The following RFX7 variants were observed in gnomAD, a reference collection of about 807,000 sequenced individuals.
RFX7 encodes regulatory factor X7, also known as DNA-binding protein RFX7.
Under a neutral mutation model 111.8 loss-of-function variants are expected in RFX7, and 26 were observed. That is an observed-to-expected ratio of 0.23 (90% CI 0.17 to 0.32). The LOEUF (loss-of-function observed/expected upper bound fraction) is 0.32. Ranked by LOEUF, RFX7 falls within the 10% of genes least tolerant of loss-of-function variation. The probability of loss-of-function intolerance (pLI) is 1.00; values close to 1 mark genes in which losing one functional copy is unlikely to be tolerated. For missense variants in RFX7, 1,573 were observed against 1,772.9 expected (o/e 0.89, Z 2.02); for synonymous variants, 624 against 624.4 (o/e 1.00, Z 0.01).
At chr15:56,126,189 C>G (rs1368267760) in intron 5 of RFX7, among the ~76,000 whole-genome samples, 1 of 152,174 alleles carries the variant, frequency 6.6e-6, no homozygotes, top group Non-Finnish European at 1.5e-5. Context: ...TATCAGTGAA[C>G]TGCATAGTAA....
At chr15:56,200,629 T>C (rs1443421379) in intron 2 of RFX7, among the ~76,000 whole-genome samples, 1 of 151,912 alleles carries the variant, frequency 6.6e-6, no homozygotes, top group Non-Finnish European at 1.5e-5. Flanking sequence ...TAAAACCCTG[T>C]CTCTACTAAA....
intron 9 of RFX7, among the ~76,000 whole-genome samples, chr15:56,097,192 T>C (rs2041690869): frequency 6.6e-6 from 1 of 152,178 alleles, no homozygotes; most frequent in Non-Finnish European, 1.5e-5. Flanking sequence ...TAAATATTAT[T>C]ATCAATAATA....
intron 2 of RFX7, among the ~76,000 whole-genome samples, chr15:56,203,992 A>AT (rs1377806929): frequency 7.0e-6 from 1 of 143,832 alleles, no homozygotes. Context: ...TTGGGGTCTG[A>AT]TTGGGACCTC....
At chr15:56,166,911 C>A (rs1173970356) in intron 3 of RFX7, among the ~76,000 whole-genome samples, 7 of 152,252 alleles carry the variant, frequency 4.6e-5, no homozygotes, top group Admixed American at 3.3e-4. Context: ...GTTACGGAAC[C>A]TTTTGCATAA....
rs552062477 is a variant in RFX7 at position 56,087,548 on chromosome 15, C to T, written c.*5797G>A. 2.2e-6 allele frequency: 1 copy of T among 456,696 alleles called. No homozygotes were observed. The highest frequency in any genetic ancestry group is 1.5e-5 in the South Asian group (1 of 64,562). 28.3% of individuals were successfully genotyped at this position (456,696 alleles called of 1,614,324 possible). On this transcript the variant is annotated 3_prime_UTR_variant, in exon 10 of 10. Coordinates refer to ENST00000559447, the MANE Select transcript of RFX7 (RefSeq NM_022841.7). Reference sequence around the variant, plus strand: ...GCACCCAAACCTTTTGGTTACATCTCTTTGAGTACTTGGTAAGTGTCTCCA... The same window carrying T: ...GCACCCAAACCTTTTGGTTACATCTTTTTGAGTACTTGGTAAGTGTCTCCA...
intron 2 of RFX7, among the ~76,000 whole-genome samples, chr15:56,210,579 A>AT (rs1438747321): frequency 5.9e-5 from 9 of 152,060 alleles, no homozygotes. Flanking sequence ...ATCTTAACAA[A>AT]TTTTTTTAAA....
chr15:56,104,073 C>G (rs2041796890), intron 5 of RFX7, among the ~76,000 whole-genome samples: 2 of 152,090 alleles, frequency 1.3e-5, no homozygotes, highest in Admixed American at 6.6e-5. Context: ...AGAGATAATA[C>G]TACTAGGTGG....
At chr15:56,184,199 T>TTTGTA (rs1362079984) in intron 2 of RFX7, among the ~76,000 whole-genome samples, 5 of 141,210 alleles carry the variant, frequency 3.5e-5, no homozygotes, top group Non-Finnish European at 7.7e-5. Context: ...TTGTATTTTT[T>TTTGTA]TTTTTTTTTT....
intron 3 of RFX7, among the ~76,000 whole-genome samples, chr15:56,156,914 G>A (rs563588702): frequency 1.3e-5 from 2 of 152,160 alleles, no homozygotes; most frequent in Non-Finnish European, 2.9e-5. Flanking sequence ...AAGAGTGCAT[G>A]ACCCCACTTC....
Position 56,242,574 on chromosome 15 carries a change from G to A in RFX7, c.161+551C>T, listed in dbSNP as rs892618970. On this transcript the variant is annotated intron_variant, in intron 2 of 9. Coordinates refer to ENST00000559447, the MANE Select transcript of RFX7 (RefSeq NM_022841.7). ...AAAAAGCACTTTCTTCACAATCAAT[G>A]CAAAGAATAAACTCCCTGAAAAAGA... Among the ~76,000 whole-genome samples the A allele has an allele frequency of 1.8e-4, 27 of 151,974 alleles. 1 individual carries two copies. Among genetic ancestry groups the A allele is most frequent in the African/African-American group, 6.0e-4 (25 of 41,386 alleles).
intron 2 of RFX7, among the ~76,000 whole-genome samples, chr15:56,206,178 C>G (rs749284286): frequency 1.6e-4 from 24 of 151,466 alleles, no homozygotes; most frequent in Non-Finnish European, 3.1e-4. Flanking sequence ...AAAGTGGAAG[C>G]AATGCATGTG....
intron 2 of RFX7, among the ~76,000 whole-genome samples, chr15:56,199,365 G>A (rs1259557763): frequency 6.6e-6 from 1 of 152,042 alleles, no homozygotes; most frequent in East Asian, 1.9e-4. Context: ...GTGATTGCTG[G>A]TTGCTCCAAA....
Position 56,144,398 on chromosome 15 carries a change from T to G in RFX7, c.278+3A>C. 1 of 1,347,316 alleles carries G rather than the reference T, an allele frequency of 7.4e-7. No homozygotes were observed. 83.5% of individuals were successfully genotyped at this position (1,347,316 alleles called of 1,614,324 possible). On this transcript the variant is annotated splice_donor_region_variant and intron_variant, in intron 4 of 9. Transcript: ENST00000559447. ...ATTATAGCAAAGACAAGAATAGATA[T>G]ACCTTTTCTCTCCATTGCTGAGACC... is the stretch of plus-strand genomic sequence containing the variant.
chr15:56,125,491 T>C (rs1379387708), intron 5 of RFX7, among the ~76,000 whole-genome samples: 1 of 152,088 alleles, frequency 6.6e-6, no homozygotes, highest in Non-Finnish European at 1.5e-5. Context: ...GAGCATGGGA[T>C]GTCTTTTCAT....
rs28482334 is a variant in RFX7, at chr15:56,233,128, A to C, written c.161+9997T>G. Among the ~76,000 whole-genome samples the C allele has an allele frequency of 7.6e-3, 1,159 of 152,288 alleles. 18 individuals are homozygous for C. Among genetic ancestry groups the C allele is most frequent in the African/African-American group, 0.026 (1,090 of 41,534 alleles). ...GTTTTCACACCGTTGATAAAGACAT[A>C]CCCGAGACTGGGTAATTTATAAGGA... is the stretch of plus-strand genomic sequence containing the variant. On this transcript the variant is annotated intron_variant, in intron 2 of 9. Coordinates refer to ENST00000559447, the MANE Select transcript of RFX7 (RefSeq NM_022841.7).
chr15:56,106,955 A>G (rs1389605977), intron 5 of RFX7, among the ~76,000 whole-genome samples: 4 of 152,274 alleles, frequency 2.6e-5, no homozygotes, highest in East Asian at 1.9e-4. Context: ...GCAAGACTCA[A>G]AAAAGGGTGA....
upstream of RFX7, among the ~76,000 whole-genome samples, chr15:56,244,917 A>G (rs1391588135): frequency 1.3e-5 from 2 of 152,112 alleles, no homozygotes; most frequent in African/African-American, 4.8e-5. Context: ...GGGGCTGATC[A>G]GGGAGGCTGC....
intron 3 of RFX7, among the ~76,000 whole-genome samples, chr15:56,145,390 CT>C: frequency 6.6e-6 from 1 of 152,266 alleles, no homozygotes; most frequent in South Asian, 2.1e-4. Flanking sequence ...TTTGAAAATA[CT>C]TAACATGATA....
rs750418038 is a variant in RFX7, at chr15:56,094,086, T to G, written c.3642A>C (p.Ala1214=). 5 of 1,614,006 alleles carry G rather than the reference T, an allele frequency of 3.1e-6. No homozygotes were observed. The highest frequency in any genetic ancestry group is 4.2e-6 in the Non-Finnish European group (5 of 1,179,882). Residue 1214 remains alanine (A), a synonymous_variant, in exon 10 of 10, where the codon GCA becomes GCC. Transcript: ENST00000559447. The part of the protein sequence containing the change: ...VHVFTNVHTD[A]CANNIAQRSQ... ...TTCTTTGAGCTATGTTGTTGGCACA[T>G]GCGTCTGTGTGAACATTTGTGAAAA...
Sources: gnomAD v4.1 joint callset for allele counts (sites outside exome capture counted in the v4.1 genomes callset) on GRCh38, gnomAD v4.1.1 for gene constraint, MANE v1.5 for transcripts, NCBI Gene and HGNC (gene_info 2026-07-23, HGNC 2026-07-21) for gene names.